The following DDR2 variants were observed in gnomAD, a reference collection of about 807,000 sequenced individuals.
DDR2 encodes the protein discoidin domain receptor tyrosine kinase 2, also known as discoidin domain-containing receptor 2.
In DDR2, 27 loss-of-function variants were observed where a neutral mutation model predicts 94.9. That is an observed-to-expected ratio of 0.28 (90% CI 0.21 to 0.39). The LOEUF (loss-of-function observed/expected upper bound fraction) is 0.39. Among genes scored for constraint, DDR2 ranks in the 10% least tolerant of loss-of-function variants. The pLI is 1.00. For missense variants in DDR2, 783 were observed against 1,076.0 expected (o/e 0.73, Z 3.81); for synonymous variants, 382 against 377.2 (o/e 1.01, Z -0.15).
intron 1 of DDR2, among the ~76,000 whole-genome samples, chr1:162,642,254 G>A (rs567923056): frequency 6.6e-6 from 1 of 152,050 alleles, no homozygotes; most frequent in African/African-American, 2.4e-5. Context: ...ACCATGCCTG[G>A]CCTATTTTAT....
At chr1:162,646,293 T>A (rs1657404294) in intron 1 of DDR2, among the ~76,000 whole-genome samples, 1 of 152,242 alleles carries the variant, frequency 6.6e-6, no homozygotes, top group Non-Finnish European at 1.5e-5. Flanking sequence ...AAATTAAATT[T>A]GGGCTCCACG....
At chr1:162,747,711 G>T (rs1006560884) in intron 3 of DDR2, among the ~76,000 whole-genome samples, 1 of 152,094 alleles carries the variant, frequency 6.6e-6, no homozygotes, top group Admixed American at 6.5e-5. Context: ...GATTCACCAA[G>T]GTTGAAATAA....
chr1:162,731,793 T>C (rs1056122758), intron 3 of DDR2, among the ~76,000 whole-genome samples: 2 of 152,218 alleles, frequency 1.3e-5, no homozygotes, highest in Admixed American at 6.5e-5. Context: ...TTATGAAAGA[T>C]GAAGAAACCG....
intron 1 of DDR2, among the ~76,000 whole-genome samples, chr1:162,652,221 CTTA>C: frequency 6.6e-6 from 1 of 152,320 alleles, no homozygotes; most frequent in South Asian, 2.1e-4. Flanking sequence ...AATTGTCATG[CTTA>C]CCCGAGGGGC....
At chr1:162,729,298 ATAT>A (rs1249127608) in intron 3 of DDR2, among the ~76,000 whole-genome samples, 8 of 34,446 alleles carry the variant, frequency 2.3e-4, no homozygotes, top group East Asian at 1.3e-3. Context: ...ATATATATAT[ATAT>A]TTTTTTTTTT....
At chr1:162,752,974 A>C in intron 3 of DDR2, 121 bp from the exon 4 acceptor site, 1 of 839,960 alleles carries the variant, frequency 1.2e-6, no homozygotes. Context: ...CCATAGAGGA[A>C]TTTAGGAAGA....
intron 2 of DDR2, among the ~76,000 whole-genome samples, chr1:162,690,887 A>G (rs1057389173): frequency 6.6e-6 from 1 of 152,202 alleles, no homozygotes; most frequent in African/African-American, 2.4e-5. Context: ...ACCTACAGTT[A>G]TATTTTTTAA....
intron 3 of DDR2, among the ~76,000 whole-genome samples, chr1:162,721,143 TG>T (rs1186403018): frequency 6.6e-6 from 1 of 152,138 alleles, no homozygotes; most frequent in Non-Finnish European, 1.5e-5. Context: ...GTGCTGTGAG[TG>T]CATGGAATGG....
intron 3 of DDR2, among the ~76,000 whole-genome samples, chr1:162,726,496 C>T (rs1222255701): frequency 6.6e-6 from 1 of 152,062 alleles, no homozygotes; most frequent in African/African-American, 2.4e-5. Context: ...CATTCTGAGG[C>T]CTAGATTCCT....
rs142965545 is a variant in DDR2 at position 162,640,135 on chromosome 1, G to C, written c.-192+7504G>C. 1.9e-3 allele frequency among the ~76,000 whole-genome samples: 281 copies of C among 151,212 alleles called. 4 individuals carry two copies. In the East Asian group the frequency reaches 0.042, roughly 23 times the overall value. On this transcript the variant is annotated intron_variant, in intron 1 of 17. Coordinates refer to ENST00000367921, the MANE Select transcript of DDR2 (RefSeq NM_006182.4). ...CGGCTCACTGCAACCTCTGCCTCCT[G>C]GGTTCAAGCGATTTTCCTGCCTCAG... is the stretch of plus-strand genomic sequence containing the variant.
intron 2 of DDR2, among the ~76,000 whole-genome samples, chr1:162,674,426 T>A (rs905725378): frequency 6.6e-6 from 1 of 152,180 alleles, no homozygotes; most frequent in African/African-American, 2.4e-5. Context: ...CAGACCCAGA[T>A]ATATTTGGTA....
rs201855131 is a variant in DDR2, at chr1:162,637,697, A to AT, written c.-192+5074dup. Among the ~76,000 whole-genome samples, 736 of 152,138 alleles carry AT rather than the reference A, an allele frequency of 4.8e-3. 5 individuals are homozygous for AT. The highest frequency in any genetic ancestry group is 7.0e-3 in the Non-Finnish European group (478 of 68,000). ...TTGAGGTTTCTCATTTATTAGAAAA[A>AT]TTTTTTTTCTGTGCACTTAGTGCAT... On this transcript the variant is annotated intron_variant, in intron 1 of 17. Transcript: ENST00000367921.
intron 2 of DDR2, among the ~76,000 whole-genome samples, chr1:162,684,539 G>C (rs1659572963): frequency 6.6e-6 from 1 of 152,068 alleles, no homozygotes; most frequent in African/African-American, 2.4e-5. Flanking sequence ...TTGCAGAACT[G>C]TTTTTAGAGT....
rs1208180339 is a variant in DDR2 at position 162,785,086 on chromosome 1, G to A, written c.*4840G>A. 1.3e-5 allele frequency: 2 copies of A among 152,148 alleles called. No homozygotes were observed. The highest frequency in any genetic ancestry group is 4.8e-5 in the African/African-American group (2 of 41,434). The allele number at this position is 152,148 out of a possible 1,614,324, so 9.4% of individuals were successfully genotyped here. ...TGCCTACACTGCTTCTAAATTTTCTGATTTGTTTGGCTGTTTGGCATCTGA... is the reference window on the plus strand; with the variant it reads ...TGCCTACACTGCTTCTAAATTTTCTAATTTGTTTGGCTGTTTGGCATCTGA... On this transcript the variant is annotated 3_prime_UTR_variant, in exon 18 of 18. Transcript: ENST00000367921.
At position 162,754,677 on chromosome 1, in the gene DDR2, C is replaced by A. The variant is rs2102132837; in HGVS notation, c.239C>A (p.Pro80His). 6.2e-7 allele frequency: 1 copy of A among 1,614,142 alleles called. No individual in the cohort carries two copies. Residue 80 changes from proline (P) to histidine (H), a missense_variant, in exon 5 of 18, where the codon CCT becomes CAT. By Grantham distance (77) the Pro-to-His change is moderately conservative. Around this residue, in one of 2 missense-constraint regions of DDR2, gnomAD observed 519 missense variants for 647.9 expected, o/e 0.80. Transcript: ENST00000367921. ...TGGTGCCCTGAGATTCCAGTGGAAC[C>A]TGATGACCTGAAGGAGTTTCTGCAG... Reference protein sequence around the residue: ...GAWCPEIPVEPDDLKEFLQID... With the variant: ...GAWCPEIPVEHDDLKEFLQID...
chr1:162,719,501 A>G (rs1301368440), intron 3 of DDR2, among the ~76,000 whole-genome samples: 1 of 152,024 alleles, frequency 6.6e-6, no homozygotes, highest in African/African-American at 2.4e-5. Flanking sequence ...AGGTTGGTTT[A>G]CCAGTTGTTT....
chr1:162,665,526 C>T (rs1401569852), intron 2 of DDR2, among the ~76,000 whole-genome samples: 2 of 151,462 alleles, frequency 1.3e-5, no homozygotes, highest in African/African-American at 4.8e-5. Flanking sequence ...ATAATGCCGT[C>T]CTCAGTGATT....
At chr1:162,759,141 T>G (rs1304612250) in intron 7 of DDR2, among the ~76,000 whole-genome samples, 1 of 152,176 alleles carries the variant, frequency 6.6e-6, no homozygotes, top group Non-Finnish European at 1.5e-5. Flanking sequence ...CTGGGTCTAG[T>G]ATCCTACAAA....
intron 2 of DDR2, among the ~76,000 whole-genome samples, chr1:162,660,097 G>A (rs1237845463): frequency 6.6e-6 from 1 of 152,074 alleles, no homozygotes; most frequent in Admixed American, 6.6e-5. Context: ...AGAACTCCTG[G>A]TTTCTCCATT....
Sources: allele counts gnomAD v4.1 joint callset (sites outside exome capture counted in the v4.1 genomes callset), GRCh38; gene constraint gnomAD v4.1.1; regional missense constraint gnomAD v4.1.1; transcripts MANE v1.5; gene names NCBI Gene and HGNC (gene_info 2026-07-23, HGNC 2026-07-21).